The following CCDC148 variants were observed in gnomAD, a reference collection of about 807,000 sequenced individuals.
CCDC148 encodes the protein coiled-coil domain containing 148.
A neutral mutation model predicts 85.7 loss-of-function variants in CCDC148; 89 were observed. That is an observed-to-expected ratio of 1.04 (90% confidence interval 0.87 to 1.24). The LOEUF (loss-of-function observed/expected upper bound fraction) is 1.24, where lower values mean the gene tolerates loss of function less well. CCDC148 is among the 50% of genes most tolerant of loss of function. CCDC148 has a pLI of 0.00. For missense variants in CCDC148, 692 were observed against 671.7 expected (o/e 1.03, Z -0.33); for synonymous variants, 230 against 213.9 (o/e 1.08, Z -0.66).
At chr2:158,389,802 T>G (rs1685232641) in intron 1 of CCDC148, among the ~76,000 whole-genome samples, 1 of 152,234 alleles carries the variant, frequency 6.6e-6, no homozygotes, top group South Asian at 2.1e-4. Flanking sequence ...AGATGAAATG[T>G]CCTGCTCTAA....
At position 158,171,135 on chromosome 2, in the gene CCDC148, G is replaced by T. The variant is rs941325615; in HGVS notation, c.*978C>A. 1.3e-5 allele frequency: 2 copies of T among 151,196 alleles called. No homozygotes were observed. The highest frequency in any genetic ancestry group is 4.9e-5 in the African/African-American group (2 of 41,160). The allele number at this position is 151,196 out of a possible 1,614,324, so 9.4% of individuals were successfully genotyped here. A position where few individuals can be genotyped will look rare whatever the true frequency, so the allele number is the denominator to read the frequency against. On this transcript the variant is annotated 3_prime_UTR_variant, in exon 14 of 14. Transcript: ENST00000283233. ...TATTTTTTATTTCCATGATGTTGGG[G>T]ACAATCATAAAGTCAAAGATTCCAC...
intron 1 of CCDC148, among the ~76,000 whole-genome samples, chr2:158,406,629 T>TTTTTTTTTTTTTTTTTTTTTG (rs1686031138): frequency 8.5e-6 from 1 of 117,490 alleles, no homozygotes; most frequent in African/African-American, 3.1e-5. Context: ...TTTTTTTTTT[T>TTTTTTTTTTTTTTTTTTTTTG]TTTTTTTTTT....
intron 9 of CCDC148, among the ~76,000 whole-genome samples, chr2:158,299,627 C>T (rs1419796835): frequency 3.9e-5 from 6 of 152,200 alleles, no homozygotes; most frequent in African/African-American, 1.2e-4. Context: ...ATTTTTAAAT[C>T]ATTTTGTCAA....
intron 13 of CCDC148, among the ~76,000 whole-genome samples, chr2:158,175,991 A>G (rs1168813527): frequency 1.3e-5 from 2 of 152,046 alleles, no homozygotes; most frequent in Non-Finnish European, 2.9e-5. Context: ...GGCACAGATT[A>G]AAATGAACCC....
chr2:158,360,672 T>C (rs10183064), intron 1 of CCDC148, among the ~76,000 whole-genome samples: 117,848 of 151,708 alleles, frequency 0.78, 46,087 homozygotes, highest in East Asian at 0.95. Flanking sequence ...AGCCGAAGCT[T>C]ACCAACATCA....
At chr2:158,415,917 A>G (rs1686480149) in intron 1 of CCDC148, among the ~76,000 whole-genome samples, 1 of 152,094 alleles carries the variant, frequency 6.6e-6, no homozygotes, top group African/African-American at 2.4e-5. Context: ...TTTCCCCTCT[A>G]CACTGTCCTA....
At chr2:158,405,911 T>TG (rs1256691191) in intron 1 of CCDC148, among the ~76,000 whole-genome samples, 1 of 72,896 alleles carries the variant, frequency 1.4e-5, no homozygotes, top group Non-Finnish European at 3.6e-5. Flanking sequence ...TAAATGTATG[T>TG]GTATAAATAC....
chr2:158,324,290 A>ATATATAT (rs1692660582), intron 7 of CCDC148, among the ~76,000 whole-genome samples: 1 of 152,082 alleles, frequency 6.6e-6, no homozygotes, highest in Admixed American at 6.6e-5. Flanking sequence ...ATATAGATGT[A>ATATATAT]ACGCTTTCAG....
intron 1 of CCDC148, among the ~76,000 whole-genome samples, chr2:158,393,469 T>C (rs1313429958): frequency 6.6e-6 from 1 of 152,028 alleles, no homozygotes; most frequent in Non-Finnish European, 1.5e-5. Context: ...TCATCAATTA[T>C]AGGGAAAGGG....
At chr2:158,342,534 C>T (rs1383769487) in intron 3 of CCDC148, among the ~76,000 whole-genome samples, 4 of 152,144 alleles carry the variant, frequency 2.6e-5, no homozygotes, top group African/African-American at 9.7e-5. Context: ...AAACACAGCA[C>T]TTAAAAACCA....
chr2:158,361,697 C>T (rs193163824), intron 1 of CCDC148, among the ~76,000 whole-genome samples: 2 of 152,280 alleles, frequency 1.3e-5, no homozygotes, highest in Non-Finnish European at 2.9e-5. Flanking sequence ...AAAGGAACAA[C>T]CGGTACCAGC....
At chr2:158,217,374 G>GTATATATATATATATATATATATATA (rs762560897) in intron 11 of CCDC148, among the ~76,000 whole-genome samples, 1 of 98,526 alleles carries the variant, frequency 1.0e-5, no homozygotes. Context: ...GTGTGTGTGT[G>GTATATATATATATATATATATATATA]TATATATATA....
intron 7 of CCDC148, among the ~76,000 whole-genome samples, chr2:158,318,481 G>T (rs1692378798): frequency 6.6e-6 from 1 of 152,170 alleles, no homozygotes; most frequent in Admixed American, 6.5e-5. Context: ...AGATAGCAGG[G>T]TTCTAAAAGT....
chr2:158,220,891 A>G (rs1687145782), intron 10 of CCDC148, among the ~76,000 whole-genome samples, 178 bp from the exon 11 acceptor site: 1 of 152,234 alleles, frequency 6.6e-6, no homozygotes, highest in South Asian at 2.1e-4. Flanking sequence ...ATTAAAACAC[A>G]AAGGTAGATG....
chr2:158,283,818 CA>C (rs1166519734), intron 9 of CCDC148, among the ~76,000 whole-genome samples: 1 of 151,994 alleles, frequency 6.6e-6, no homozygotes, highest in Non-Finnish European at 1.5e-5. Context: ...TATAAAGACA[CA>C]TGCACATGTA....
chr2:158,425,693 CTG>C (rs1302610155), intron 1 of CCDC148, among the ~76,000 whole-genome samples: 4 of 152,158 alleles, frequency 2.6e-5, no homozygotes, highest in Non-Finnish European at 1.5e-5. Flanking sequence ...TAGGGAGAAA[CTG>C]TGGTCCTTTA....
At chr2:158,298,870 C>T (rs915159392) in intron 9 of CCDC148, among the ~76,000 whole-genome samples, 9 of 151,960 alleles carry the variant, frequency 5.9e-5, no homozygotes, top group African/African-American at 1.9e-4. Context: ...AGTTTCTTTC[C>T]TTGATTATCT....
At chr2:158,234,108 A>G (rs1019897428) in intron 10 of CCDC148, among the ~76,000 whole-genome samples, 3 of 152,044 alleles carry the variant, frequency 2.0e-5, no homozygotes, top group African/African-American at 7.2e-5. Context: ...CCTGGGAGAC[A>G]GAGGTTGTAG....
chr2:158,258,803 T>C lies in CCDC148; in HGVS notation c.1111-7891A>G, dbSNP rs530219832. Among the ~76,000 whole-genome samples the C allele has an allele frequency of 2.6e-5, 4 of 151,914 alleles. No homozygotes were observed. In the South Asian group the frequency reaches 8.3e-4, roughly 32 times the overall value. Reference sequence around the variant, plus strand: ...GCCAGACTCAGCAGAGAAAATACTTTACTGAATATTTTCAAAACAGATGTC... The same window carrying C: ...GCCAGACTCAGCAGAGAAAATACTTCACTGAATATTTTCAAAACAGATGTC... On this transcript the variant is annotated intron_variant, in intron 9 of 13. Transcript: ENST00000283233.
Sources: gnomAD v4.1 joint callset for allele counts (sites outside exome capture counted in the v4.1 genomes callset) on GRCh38, gnomAD v4.1.1 for gene constraint, MANE v1.5 for transcripts, NCBI Gene and HGNC (gene_info 2026-07-23, HGNC 2026-07-21) for gene names.